Variants in ZDHHC5 observed in about 807,000 individuals in gnomAD.
ZDHHC5 encodes the protein palmitoyltransferase ZDHHC5.
A neutral mutation model predicts 70.0 loss-of-function variants in ZDHHC5; 22 were observed. The observed-to-expected ratio is 0.31, with a 90% CI of 0.22 to 0.45. The LOEUF (loss-of-function observed/expected upper bound fraction) is 0.45. ZDHHC5 is among the 20% of genes least tolerant of loss of function. The pLI is 1.00. For synonymous variants in ZDHHC5, 313 were observed against 347.8 expected (o/e 0.90, Z 1.11); for missense variants, 746 against 926.9 (o/e 0.80, Z 2.53).
chr11:57,696,468 C>T (rs1282692518), intron 9 of ZDHHC5, among the ~76,000 whole-genome samples: 2 of 152,164 alleles, frequency 1.3e-5, no homozygotes, highest in Non-Finnish European at 2.9e-5. Flanking sequence ...GTGATCCCAG[C>T]ACTTTGGGAG....
chr11:57,673,060 G>A lies in ZDHHC5; in HGVS notation c.-31G>A, dbSNP rs769512802. The A allele has an allele frequency of 1.4e-5, 22 of 1,607,914 alleles. No homozygotes were observed. The Admixed American group carries it at 1.7e-4, about 12-fold the overall frequency. On this transcript the variant is annotated 5_prime_UTR_variant, in exon 2 of 12. Transcript: ENST00000287169. ...GCCGCTGTGTGGGCCTGGGCTATGC[G>A]GCAGGGCAGATTTCCCATCAGAGCT...
chr11:57,686,659 C>T (rs942039260), intron 3 of ZDHHC5, among the ~76,000 whole-genome samples: 10 of 151,920 alleles, frequency 6.6e-5, no homozygotes, highest in South Asian at 4.2e-4. Flanking sequence ...AAGTAGTGCA[C>T]ATTCATTATG....
chr11:57,675,656 C>T (rs1946062574), intron 2 of ZDHHC5, among the ~76,000 whole-genome samples: 1 of 152,200 alleles, frequency 6.6e-6, no homozygotes, highest in Non-Finnish European at 1.5e-5. Context: ...AAGCATCTCC[C>T]CTAGTCACCT....
chr11:57,691,030 A>G (rs1215300709), intron 6 of ZDHHC5, among the ~76,000 whole-genome samples: 5 of 152,116 alleles, frequency 3.3e-5, no homozygotes, highest in Non-Finnish European at 7.4e-5. Flanking sequence ...AGATACTAAG[A>G]CAATAGAGAT....
At chr11:57,696,209 G>A (rs1336579747) in intron 9 of ZDHHC5, among the ~76,000 whole-genome samples, 166 bp downstream of exon 9, 3 of 152,138 alleles carry the variant, frequency 2.0e-5, no homozygotes, top group African/African-American at 7.2e-5. Context: ...AGAGAAGAGA[G>A]GCCATTTAGC....
At chr11:57,694,141 G>A (rs1946320895) in intron 8 of ZDHHC5, among the ~76,000 whole-genome samples, 1 of 151,560 alleles carries the variant, frequency 6.6e-6, no homozygotes, top group Non-Finnish European at 1.5e-5. Context: ...ACAGGTGTCC[G>A]TCACCTTGCC....
rs756301063 is a variant in ZDHHC5, at chr11:57,673,242, G to C, written c.104+48G>C. 4 of 1,575,588 alleles carry C rather than the reference G, an allele frequency of 2.5e-6. No homozygotes were observed. The African/African-American group carries it at 5.4e-5, about 21-fold the overall frequency. On this transcript the variant is annotated intron_variant, in intron 2 of 11. Coordinates refer to ENST00000287169, the MANE Select transcript of ZDHHC5 (RefSeq NM_015457.3). ...TGTTTGGGTGGGTGGATACTCCATG[G>C]GAAGTGAGGAGATAACGCTTTCTCT...
chr11:57,701,077 A>G lies in ZDHHC5; in HGVS notation c.*1046A>G, dbSNP rs968170081. ...TGGGTAGAGGGGATACCTGGGTTCT[A>G]ACCTCTAAATAGGGGAGATCCCAGC... On this transcript the variant is annotated 3_prime_UTR_variant, in exon 12 of 12. Coordinates refer to ENST00000287169, the MANE Select transcript of ZDHHC5 (RefSeq NM_015457.3). The G allele has an allele frequency of 4.6e-5, 7 of 152,620 alleles. No homozygotes were observed. The highest frequency in any genetic ancestry group is 1.7e-4 in the African/African-American group (7 of 41,434). The allele number at this position is 152,620 out of a possible 1,614,324, so 9.5% of individuals were successfully genotyped here.
chr11:57,671,133 G>C (rs1455606058), intron 1 of ZDHHC5, among the ~76,000 whole-genome samples: 1 of 152,130 alleles, frequency 6.6e-6, no homozygotes, highest in East Asian at 1.9e-4. Context: ...CTTGAGTTCT[G>C]AACCTGAGGT....
intron 5 of ZDHHC5, 52 bp downstream of exon 5, chr11:57,690,255 G>C: frequency 6.2e-7 from 1 of 1,613,522 alleles, no homozygotes; most frequent in Non-Finnish European, 8.5e-7. Context: ...AGGAATGAGG[G>C]CTAAAGGGAA....
rs777279157 is a variant in ZDHHC5, at chr11:57,700,191, G to T, written c.*160G>T. On this transcript the variant is annotated 3_prime_UTR_variant, in exon 12 of 12. Coordinates refer to ENST00000287169, the MANE Select transcript of ZDHHC5 (RefSeq NM_015457.3). ...GTGTTTTCTAAAATGCAGTAGGCTT[G>T]GGGAGTCGGAGAGTTGGGGCCCTGA... The T allele has an allele frequency of 2.0e-6, 2 of 983,888 alleles. No individual in the cohort carries two copies. The highest frequency in any genetic ancestry group is 1.7e-5 in the African/African-American group (1 of 59,790). 60.9% of individuals were successfully genotyped at this position (983,888 alleles called of 1,614,324 possible).
chr11:57,669,400 C>T (rs1945972828), intron 1 of ZDHHC5, among the ~76,000 whole-genome samples: 1 of 152,230 alleles, frequency 6.6e-6, no homozygotes, highest in Admixed American at 6.5e-5. Flanking sequence ...GTTTGTTTTA[C>T]ATATACATAT....
At position 57,672,087 on chromosome 11, in the gene ZDHHC5, A is replaced by T. The variant is rs1345621060; in HGVS notation, c.-1004A>T. On this transcript the variant is annotated 5_prime_UTR_variant, in exon 2 of 12. Coordinates refer to ENST00000287169, the MANE Select transcript of ZDHHC5 (RefSeq NM_015457.3). ...TGAAGACTGAAGAAAGATAAGAGAC[A>T]TTGACTAGTCTGGAAACAGGGACAT... 2.5e-6 allele frequency: 1 copy of T among 393,918 alleles called. No homozygotes were observed. The highest frequency in any genetic ancestry group is 2.1e-5 in the African/African-American group (1 of 48,534). 24.4% of individuals were successfully genotyped at this position (393,918 alleles called of 1,614,324 possible).
chr11:57,696,006 A>C lies in ZDHHC5; in HGVS notation c.972A>C (p.Thr324=), dbSNP rs1325931140. 2 of 1,613,916 alleles carry C rather than the reference A, an allele frequency of 1.2e-6. No homozygotes were observed. The highest frequency in any genetic ancestry group is 1.7e-6 in the Non-Finnish European group (2 of 1,180,018). ...CTAAGCCAGACCTGAGCCGTTACAC[A>C]GGGTTGCGAACACACCTCGGCTTGG... is the stretch of plus-strand genomic sequence containing the variant. ...PPPKPDLSRY[T]GLRTHLGLAT... is the part of the protein sequence containing the mutation. Residue 324 remains threonine, a synonymous_variant, in exon 9 of 12, where the codon ACA becomes ACC. Transcript: ENST00000287169.
chr11:57,676,822 A>C (rs961975470), intron 2 of ZDHHC5, among the ~76,000 whole-genome samples: 9 of 151,836 alleles, frequency 5.9e-5, no homozygotes, highest in African/African-American at 2.2e-4. Context: ...AAGTCTCATC[A>C]AACTGTGAAT....
chr11:57,680,151 G>T (rs1215480529), intron 2 of ZDHHC5, among the ~76,000 whole-genome samples: 1 of 152,194 alleles, frequency 6.6e-6, no homozygotes, highest in Non-Finnish European at 1.5e-5. Context: ...TTGGGAGGCT[G>T]AGGCGGGCAA....
At chr11:57,687,767 T>TG (rs1946226846) in intron 3 of ZDHHC5, among the ~76,000 whole-genome samples, 2 of 117,578 alleles carry the variant, frequency 1.7e-5, no homozygotes, top group South Asian at 6.4e-4. Context: ...TTTTTTTTTT[T>TG]TTTTTTTTTT....
rs540660109 is a variant in ZDHHC5, at chr11:57,688,466, G to T, written c.227-42G>T. ...CATTGAATCCCTAGCACTTACTACA[G>T]TTCTGGCATAGTTGTTTTTAATTGA... On this transcript the variant is annotated intron_variant, in intron 3 of 11. Coordinates refer to ENST00000287169, the MANE Select transcript of ZDHHC5 (RefSeq NM_015457.3). The T allele has an allele frequency of 4.6e-4, 689 of 1,505,572 alleles. 15 individuals are homozygous for T. The South Asian group carries it at 8.6e-3, about 19-fold the overall frequency. 93.3% of individuals were successfully genotyped at this position (1,505,572 alleles called of 1,614,324 possible). A position where few individuals can be genotyped will look rare whatever the true frequency, so the allele number is the denominator to read the frequency against.
At chr11:57,693,142 A>G (rs1307416695) in intron 7 of ZDHHC5, among the ~76,000 whole-genome samples, 1 of 152,066 alleles carries the variant, frequency 6.6e-6, no homozygotes, top group Non-Finnish European at 1.5e-5. Context: ...CCCCTTCTCT[A>G]CTCAAAATAC....
Sources: gnomAD v4.1 joint callset for allele counts (sites outside exome capture counted in the v4.1 genomes callset) on GRCh38, gnomAD v4.1.1 for gene constraint, MANE v1.5 for transcripts, NCBI Gene and HGNC (gene_info 2026-07-23, HGNC 2026-07-21) for gene names.